C10orf90: variants seen among roughly 807,000 people sequenced by gnomAD.
C10orf90 encodes the protein chromosome 10 open reading frame 90, also known as (E2-independent) E3 ubiquitin-conjugating enzyme FATS.
Under a neutral mutation model 62.5 loss-of-function variants are expected in C10orf90, and 56 were observed. The ratio of observed to expected loss-of-function variants is 0.90; its 90% confidence interval spans 0.72 to 1.12. The LOEUF (loss-of-function observed/expected upper bound fraction) is 1.12. Ranked by LOEUF, C10orf90 falls within the 50% of genes most tolerant of loss-of-function variation. The probability of loss-of-function intolerance (pLI) is 0.00; values close to 1 mark genes in which losing one functional copy is unlikely to be tolerated. For missense variants in C10orf90, 970 were observed against 880.4 expected, an observed-to-expected ratio of 1.10 and a Z score of -1.29; for synonymous variants, 386 against 340.4, an observed-to-expected ratio of 1.13 and a Z score of -1.47.
At position 126,490,014 on chromosome 10, in the gene C10orf90, T is replaced by A. The variant is rs868300686; in HGVS notation, c.1534+13943A>T. On this transcript the variant is annotated intron_variant, in intron 4 of 9. Transcript: ENST00000488181. ...AATATATATTATATATTATATATAT[T>A]ATATATAATATATAATATATAATAT... Among the ~76,000 whole-genome samples the A allele has an allele frequency of 9.8e-4, 91 of 92,536 alleles. 1 individual carries two copies. The highest frequency in any genetic ancestry group is 6.8e-3 in the East Asian group (24 of 3,550). 60.7% of individuals were successfully genotyped at this position (92,536 alleles called of 152,430 possible). A position where few individuals can be genotyped will look rare whatever the true frequency, so the allele number is the denominator to read the frequency against.
intron 2 of C10orf90, among the ~76,000 whole-genome samples, chr10:126,582,696 C>T (rs1302579180): frequency 1.3e-5 from 2 of 152,090 alleles, no homozygotes; most frequent in Admixed American, 6.6e-5. Flanking sequence ...TCTTTATTTT[C>T]CTCTCCTGAT....
chr10:126,634,656 A>G lies in C10orf90; in HGVS notation c.313+11909T>C, dbSNP rs368260195. Among the ~76,000 whole-genome samples, 12 of 152,334 alleles carry G rather than the reference A, an allele frequency of 7.9e-5. No individual in the cohort carries two copies. The East Asian group carries it at 1.5e-3, about 20-fold the overall frequency. ...TCCTTAGAGCACAATAATAAAAAAGATTATGATGAGTGTCTTATATCTATT... is the reference window on the plus strand; with the variant it reads ...TCCTTAGAGCACAATAATAAAAAAGGTTATGATGAGTGTCTTATATCTATT... On this transcript the variant is annotated intron_variant, in intron 2 of 9. Transcript: ENST00000488181.
At chr10:126,591,549 A>G (rs1844979428) in intron 2 of C10orf90, among the ~76,000 whole-genome samples, 1 of 152,188 alleles carries the variant, frequency 6.6e-6, no homozygotes, top group Non-Finnish European at 1.5e-5. Context: ...ACATATCTCA[A>G]AATAATAAGA....
intron 2 of C10orf90, among the ~76,000 whole-genome samples, chr10:126,565,075 AATATATAAAATATATATTATATAAT>A (rs1844311538): frequency 4.2e-5 from 1 of 23,684 alleles, no homozygotes; most frequent in Non-Finnish European, 7.9e-5. Context: ...TATTATATAT[AATATATAAAATATATATTATATAAT>A]ATATAAAATA....
intron 2 of C10orf90, among the ~76,000 whole-genome samples, chr10:126,604,444 C>A (rs1349685330): frequency 3.3e-5 from 5 of 152,162 alleles, no homozygotes; most frequent in African/African-American, 7.2e-5. Flanking sequence ...TATATATGCA[C>A]TTTTTTAAAA....
chr10:126,612,909 AT>A (rs1320440273), intron 2 of C10orf90, among the ~76,000 whole-genome samples: 3 of 152,218 alleles, frequency 2.0e-5, no homozygotes, highest in Non-Finnish European at 4.4e-5. Flanking sequence ...TATGCAAGTC[AT>A]TTATAGGAAA....
At position 126,553,609 on chromosome 10, in the gene C10orf90, G is replaced by A. The variant is rs534345510; in HGVS notation, c.314-39670C>T. Among the ~76,000 whole-genome samples, 4 of 152,060 alleles carry A rather than the reference G, an allele frequency of 2.6e-5. No individual in the cohort carries two copies. In the South Asian group the frequency reaches 6.2e-4, roughly 24 times the overall value. On this transcript the variant is annotated intron_variant, in intron 2 of 9. Coordinates refer to ENST00000488181, the MANE Select transcript of C10orf90 (RefSeq NM_001350921.2). ...TGTTTAGATACACAAATTCTTAGCC[G>A]GGTGTTACAACTGCCTGTAGTATTC...
intron 2 of C10orf90, among the ~76,000 whole-genome samples, chr10:126,616,149 CCG>C (rs1395005760): frequency 6.8e-6 from 1 of 147,556 alleles, no homozygotes; most frequent in African/African-American, 2.4e-5. Context: ...TCTCTTAATT[CCG>C]AGAGTGTGAG....
intron 2 of C10orf90, among the ~76,000 whole-genome samples, chr10:126,562,978 G>A (rs758266937): frequency 1.6e-4 from 25 of 152,218 alleles, no homozygotes; most frequent in Admixed American, 7.9e-4. Flanking sequence ...TGGGCTGGGC[G>A]GAGGGACCCA....
chr10:126,651,365 A>G (rs1403573577), intron 1 of C10orf90, among the ~76,000 whole-genome samples: 1 of 152,180 alleles, frequency 6.6e-6, no homozygotes, highest in Admixed American at 6.5e-5. Flanking sequence ...TATGATATTA[A>G]TTTATTCCAT....
intron 4 of C10orf90, among the ~76,000 whole-genome samples, chr10:126,496,119 C>A (rs1862042075): frequency 6.6e-6 from 1 of 152,198 alleles, no homozygotes. Flanking sequence ...CAGCCCATTA[C>A]CTGGTCAGCC....
intron 2 of C10orf90, among the ~76,000 whole-genome samples, chr10:126,586,145 G>A (rs1844866138): frequency 1.3e-5 from 2 of 152,214 alleles, no homozygotes; most frequent in African/African-American, 2.4e-5. Context: ...CTAATAGCCA[G>A]CCTTAATTAT....
intron 2 of C10orf90, among the ~76,000 whole-genome samples, chr10:126,545,307 G>A (rs1864466112): frequency 6.6e-6 from 1 of 152,124 alleles, no homozygotes; most frequent in Non-Finnish European, 1.5e-5. Context: ...AGCCACGACT[G>A]GTTTTCCAAT....
chr10:126,661,142 G>C (rs1036680349), intron 1 of C10orf90, among the ~76,000 whole-genome samples: 3 of 152,144 alleles, frequency 2.0e-5, no homozygotes, highest in Non-Finnish European at 4.4e-5. Flanking sequence ...GGTCACAGGA[G>C]CAGCATCCAT....
intron 2 of C10orf90, among the ~76,000 whole-genome samples, chr10:126,591,259 G>A (rs539014984): frequency 6.6e-6 from 1 of 152,136 alleles, no homozygotes; most frequent in South Asian, 2.1e-4. Flanking sequence ...AAAACTTCAG[G>A]CCAATATCCC....
intron 4 of C10orf90, among the ~76,000 whole-genome samples, chr10:126,497,042 G>A (rs556099025): frequency 1.3e-5 from 2 of 152,316 alleles, no homozygotes; most frequent in African/African-American, 2.4e-5. Context: ...TGTCACCATC[G>A]CAGAACCAGA....
At chr10:126,564,756 G>A (rs1336033661) in intron 2 of C10orf90, among the ~76,000 whole-genome samples, 1 of 130,364 alleles carries the variant, frequency 7.7e-6, no homozygotes, top group Non-Finnish European at 1.6e-5. Flanking sequence ...CCCTCCTGAA[G>A]GCGTCCAATT....
intron 2 of C10orf90, among the ~76,000 whole-genome samples, chr10:126,540,490 C>T (rs1836946): frequency 0.65 from 99,282 of 151,806 alleles, 33,449 homozygotes; most frequent in African/African-American, 0.82. Context: ...GAGATCCCAT[C>T]TCTACAAAAA....
intron 1 of C10orf90, among the ~76,000 whole-genome samples, chr10:126,654,979 T>C (rs1408560157): frequency 1.3e-5 from 2 of 152,092 alleles, no homozygotes; most frequent in Non-Finnish European, 2.9e-5. Flanking sequence ...CTTGATTAAG[T>C]TTGGTATGTT....
Sources: gnomAD v4.1 joint callset for allele counts (sites outside exome capture counted in the v4.1 genomes callset) on GRCh38, gnomAD v4.1.1 for gene constraint, MANE v1.5 for transcripts, NCBI Gene and HGNC (gene_info 2026-07-23, HGNC 2026-07-21) for gene names.